Variants in PRKD1 observed in about 807,000 individuals in gnomAD.
The protein encoded by PRKD1 is serine/threonine-protein kinase D1.
PRKD1 carries 63 observed loss-of-function variants against 95.9 expected under a neutral mutation model. The ratio of observed to expected loss-of-function variants is 0.66; its 90% CI spans 0.54 to 0.81. PRKD1 has a LOEUF of 0.81. PRKD1 is among the 30% of genes least tolerant of loss of function. The pLI, the probability that PRKD1 is intolerant of heterozygous loss-of-function variation, is 0.00. For synonymous variants in PRKD1, 425 were observed against 423.1 expected (o/e 1.00, Z -0.05); for missense variants, 1,048 against 1,165.3 (o/e 0.90, Z 1.47).
intron 16 of PRKD1, among the ~76,000 whole-genome samples, chr14:29,594,655 TA>T (rs1893239557): frequency 6.6e-6 from 1 of 152,166 alleles, no homozygotes; most frequent in Non-Finnish European, 1.5e-5. Flanking sequence ...CTTGGGTTTT[TA>T]TTTCCCTGGA....
intron 4 of PRKD1, among the ~76,000 whole-genome samples, chr14:29,649,629 T>TA (rs1458213229): frequency 2.0e-5 from 3 of 152,188 alleles, no homozygotes; most frequent in Non-Finnish European, 4.4e-5. Flanking sequence ...GTTATTACCT[T>TA]AAATACATGG....
At position 29,663,833 on chromosome 14, in the gene PRKD1, A is replaced by G; in HGVS notation, c.562T>C (p.Cys188Arg). Residue 188 changes from cysteine to arginine, a missense_variant, in exon 4 of 18, where the codon TGT becomes CGT. Coordinates refer to ENST00000331968, the MANE Select transcript of PRKD1 (RefSeq NM_002742.3). ...CAATTGTTGGGTATTTTAAATGCAC[A>G]TCTCTTATGGTAATTCAGACCACAC... ...EGCGLNYHKR[C>R]AFKIPNNCSG... is the part of the protein sequence containing the mutation. The G allele has an allele frequency of 6.2e-7, 1 of 1,614,012 alleles. No homozygotes were observed. The highest frequency in any genetic ancestry group is 1.1e-5 in the South Asian group (1 of 91,078).
intron 1 of PRKD1, among the ~76,000 whole-genome samples, chr14:29,730,218 G>C (rs1014339365): frequency 2.0e-5 from 3 of 151,990 alleles, no homozygotes; most frequent in African/African-American, 7.2e-5. Flanking sequence ...ATGAAAAATA[G>C]ACATTTCTCA....
At chr14:29,616,242 C>A (rs1164530981) in intron 13 of PRKD1, among the ~76,000 whole-genome samples, 5 of 1,304 alleles carry the variant, frequency 3.8e-3, no homozygotes, top group African/African-American at 0.012. Context: ...AAGAGTATGG[C>A]CAAAAAAAAA....
chr14:29,771,213 G>A (rs1354167932), intron 1 of PRKD1, among the ~76,000 whole-genome samples: 2 of 152,188 alleles, frequency 1.3e-5, no homozygotes, highest in African/African-American at 4.8e-5. Flanking sequence ...AGACTGTTAT[G>A]GTTCTGTGGA....
chr14:29,922,893 A>T (rs1479413479), intron 1 of PRKD1, among the ~76,000 whole-genome samples: 1 of 152,130 alleles, frequency 6.6e-6, no homozygotes, highest in Non-Finnish European at 1.5e-5. Context: ...TAATAAAAAT[A>T]AAATTAGAGT....
intron 1 of PRKD1, among the ~76,000 whole-genome samples, chr14:29,727,768 C>G (rs1056512579): frequency 1.3e-5 from 2 of 151,914 alleles, no homozygotes; most frequent in African/African-American, 4.8e-5. Context: ...CCCAAATGTC[C>G]AACAATGATA....
chr14:29,718,858 C>T, intron 2 of PRKD1, among the ~76,000 whole-genome samples: 1 of 152,122 alleles, frequency 6.6e-6, no homozygotes, highest in East Asian at 1.9e-4. Context: ...CAAACAAAAA[C>T]TATATCTATG....
chr14:29,805,813 T>A (rs1318412484), intron 1 of PRKD1, among the ~76,000 whole-genome samples: 1 of 152,196 alleles, frequency 6.6e-6, no homozygotes, highest in Non-Finnish European at 1.5e-5. Context: ...CTTTTCATTA[T>A]CAACAGAAAG....
rs560871512 is a variant in PRKD1 at position 29,728,893 on chromosome 14, T to C, written c.265-3219A>G. On this transcript the variant is annotated intron_variant, in intron 1 of 17. Transcript: ENST00000331968. ...CATTATATTTATTATTGTAGCTTTATCCTAAGCCTGAAATTCAGGTAGTGA... is the reference window on the plus strand; with the variant it reads ...CATTATATTTATTATTGTAGCTTTACCCTAAGCCTGAAATTCAGGTAGTGA... 3.9e-5 allele frequency among the ~76,000 whole-genome samples: 6 copies of C among 152,264 alleles called. No individual in the cohort carries two copies. The South Asian group carries it at 1.2e-3, about 32-fold the overall frequency.
At chr14:29,640,644 C>T (rs1188100151) in intron 4 of PRKD1, among the ~76,000 whole-genome samples, 4 of 152,096 alleles carry the variant, frequency 2.6e-5, no homozygotes, top group Non-Finnish European at 5.9e-5. Flanking sequence ...TAATTAAATC[C>T]ACAGGGTAAA....
chr14:29,860,869 A>G (rs927366150), intron 1 of PRKD1, among the ~76,000 whole-genome samples: 47 of 152,178 alleles, frequency 3.1e-4, no homozygotes, highest in African/African-American at 1.1e-3. Flanking sequence ...ATTTGACTCC[A>G]GGAGCAACTG....
intron 1 of PRKD1, among the ~76,000 whole-genome samples, chr14:29,801,103 G>A (rs1890009449): frequency 6.6e-6 from 1 of 151,980 alleles, no homozygotes; most frequent in Admixed American, 6.6e-5. Context: ...GTGTGTAAAT[G>A]TCTCATGCCA....
At chr14:29,893,521 CTTAA>C (rs1894013567) in intron 1 of PRKD1, among the ~76,000 whole-genome samples, 1 of 151,776 alleles carries the variant, frequency 6.6e-6, no homozygotes, top group Non-Finnish European at 1.5e-5. Flanking sequence ...GAATCTTGCT[CTTAA>C]TTAAAGTCAG....
At chr14:29,651,910 A>G (rs1051469017) in intron 4 of PRKD1, among the ~76,000 whole-genome samples, 2 of 151,942 alleles carry the variant, frequency 1.3e-5, no homozygotes, top group South Asian at 2.1e-4. Context: ...ATGCCCAGCT[A>G]ATTTTTTGTG....
intron 1 of PRKD1, among the ~76,000 whole-genome samples, chr14:29,818,688 A>G (rs1890792002): frequency 6.6e-6 from 1 of 152,020 alleles, no homozygotes; most frequent in Non-Finnish European, 1.5e-5. Context: ...ATCAATGGAA[A>G]GTCACTAATA....
At chr14:29,680,605 C>A (rs914204845) in intron 2 of PRKD1, among the ~76,000 whole-genome samples, 1 of 152,128 alleles carries the variant, frequency 6.6e-6, no homozygotes, top group Non-Finnish European at 1.5e-5. Context: ...AATACTGGTA[C>A]TACTAACAGA....
chr14:29,723,862 G>A (rs1157308807), intron 2 of PRKD1, among the ~76,000 whole-genome samples: 2 of 152,100 alleles, frequency 1.3e-5, no homozygotes. Flanking sequence ...GGGAAAGCAG[G>A]TAAGGAAATG....
At chr14:29,615,542 T>G (rs1257224293) in intron 13 of PRKD1, among the ~76,000 whole-genome samples, 1 of 152,230 alleles carries the variant, frequency 6.6e-6, no homozygotes. Flanking sequence ...CTTATGAATC[T>G]TCCCAGGTTT....
Sources: allele counts gnomAD v4.1 joint callset (sites outside exome capture counted in the v4.1 genomes callset), GRCh38; gene constraint gnomAD v4.1.1; transcripts MANE v1.5; gene names NCBI Gene and HGNC (gene_info 2026-07-23, HGNC 2026-07-21).